TMEM245: variants seen among roughly 807,000 people sequenced by gnomAD.
The protein encoded by TMEM245 is protein CG-2.
A neutral mutation model predicts 101.2 loss-of-function variants in TMEM245; 69 were observed. That is an observed-to-expected ratio of 0.68 (90% CI 0.56 to 0.83). The LOEUF is 0.83. Among genes scored for constraint, TMEM245 ranks in the 40% least tolerant of loss-of-function variants. The probability of loss-of-function intolerance (pLI) is 0.00; values close to 1 mark genes in which losing one functional copy is unlikely to be tolerated. For synonymous variants in TMEM245, 537 were observed against 449.8 expected, an observed-to-expected ratio of 1.19 and a Z score of -2.45; for missense variants, 1,075 against 1,092.8, an observed-to-expected ratio of 0.98 and a Z score of 0.23.
intron 2 of TMEM245, 85 bp from the exon 3 acceptor site, chr9:109,106,694 A>G: frequency 1.0e-6 from 1 of 958,800 alleles, no homozygotes; most frequent in South Asian, 1.8e-5. Flanking sequence ...AGTTTGACAG[A>G]ACAATCTGGT....
intron 3 of TMEM245, among the ~76,000 whole-genome samples, chr9:109,098,932 C>G (rs1049231554): frequency 1.3e-5 from 2 of 152,198 alleles, no homozygotes; most frequent in Non-Finnish European, 2.9e-5. Context: ...TCTGTTAATA[C>G]AACAACTCAA....
At chr9:109,108,156 A>G (rs912676203) in intron 2 of TMEM245, among the ~76,000 whole-genome samples, 1 of 152,062 alleles carries the variant, frequency 6.6e-6, no homozygotes, top group South Asian at 2.1e-4. Flanking sequence ...CTGCTTATCT[A>G]TATCTTCCCC....
At chr9:109,078,933 C>T (rs1019546963) in intron 8 of TMEM245, among the ~76,000 whole-genome samples, 7 of 152,176 alleles carry the variant, frequency 4.6e-5, no homozygotes, top group Admixed American at 4.6e-4. Flanking sequence ...CTCTGCTCAT[C>T]TCCAATTGGA....
intron 15 of TMEM245, among the ~76,000 whole-genome samples, chr9:109,036,708 A>T (rs1266259521): frequency 6.6e-6 from 1 of 152,232 alleles, no homozygotes; most frequent in Non-Finnish European, 1.5e-5. Context: ...CCTACAGAAC[A>T]TGTGTCAAAA....
intron 9 of TMEM245, among the ~76,000 whole-genome samples, chr9:109,064,941 C>T (rs139685117): frequency 3.9e-5 from 6 of 152,274 alleles, no homozygotes; most frequent in East Asian, 1.9e-4. Context: ...AGGCACGTCA[C>T]CACGCCTGGC....
chr9:109,091,148 C>T lies in TMEM245; in HGVS notation c.924G>A (p.Val308=). Residue 308 remains valine, a synonymous_variant, in exon 5 of 18, where the codon GTG becomes GTA. Transcript: ENST00000374586. ...ACGTTGGAGCGGATTCTCCCCTGTC[C>T]ACTGCTTCTGAAAAGGAAAAGAAAA... is the stretch of plus-strand genomic sequence containing the variant. ...DQPSTQPAEA[V]DRGESAPTLS... is the part of the protein sequence containing the mutation. The T allele has an allele frequency of 6.2e-7, 1 of 1,613,200 alleles. No individual in the cohort carries two copies. The highest frequency in any genetic ancestry group is 8.5e-7 in the Non-Finnish European group (1 of 1,179,538).
In TMEM245 at chr9:109,057,244, C is replaced by T; in HGVS notation, c.1801G>A (p.Asp601Asn). ...ACAAAGGAAACAATATCCTGCCAGT[C>T]CAGAATGTCTCCCAGCCAGCTATTC... ...RQNSWLGDILDWQDIVSFVHE... is the reference protein window; with the variant it reads ...RQNSWLGDILNWQDIVSFVHE... The change falls in exon 12 of 18, where the codon GAC (aspartate) becomes AAC (asparagine). Residue 601 changes from aspartate to asparagine, a missense_variant. Asp to Asn is a conservative substitution (Grantham distance 23). Coordinates refer to ENST00000374586, the MANE Select transcript of TMEM245 (RefSeq NM_032012.4). 6.2e-7 allele frequency: 1 copy of T among 1,614,108 alleles called. No individual in the cohort carries two copies. The highest frequency in any genetic ancestry group is 8.5e-7 in the Non-Finnish European group (1 of 1,179,978).
chr9:109,095,176 G>A (rs1830106730), intron 3 of TMEM245, among the ~76,000 whole-genome samples: 1 of 152,136 alleles, frequency 6.6e-6, no homozygotes, highest in Admixed American at 6.5e-5. Context: ...TAGATTTCTG[G>A]ATTAGGACCT....
chr9:109,087,092 T>C (rs1829861552), intron 6 of TMEM245, 81 bp downstream of exon 6: 10 of 1,276,686 alleles, frequency 7.8e-6, no homozygotes, highest in Non-Finnish European at 1.1e-5. Flanking sequence ...AGTTACAATA[T>C]AAACACCATA....
rs10979693 is a variant in TMEM245, at chr9:109,114,543, A to C, written c.579+4792T>G. Reference sequence around the variant, plus strand: ...CACAAAGTTAGTTACTGGCAGAGCCAAGTTTAGAACTTCAGGTGTTTTTAT... The same window carrying C: ...CACAAAGTTAGTTACTGGCAGAGCCCAGTTTAGAACTTCAGGTGTTTTTAT... On this transcript the variant is annotated intron_variant, in intron 1 of 17. Transcript: ENST00000374586. 4.8e-3 allele frequency among the ~76,000 whole-genome samples: 732 copies of C among 152,344 alleles called. 40 individuals are homozygous for C. The East Asian group carries it at 0.12, about 25-fold the overall frequency.
At position 109,017,870 on chromosome 9, in the gene TMEM245, C is replaced by G. The variant is rs952876421; in HGVS notation, c.*2590G>C. 9.9e-5 allele frequency: 15 copies of G among 152,166 alleles called. No homozygotes were observed. The highest frequency in any genetic ancestry group is 3.6e-4 in the African/African-American group (15 of 41,418). The allele number at this position is 152,166 out of a possible 1,614,324, so 9.4% of individuals were successfully genotyped here. ...GCATCTGAGGAATCATGCTGGAATG[C>G]TTCTTTCTGGCTCGGAGGGTTCCAA... On this transcript the variant is annotated 3_prime_UTR_variant, in exon 18 of 18. Coordinates refer to ENST00000374586, the MANE Select transcript of TMEM245 (RefSeq NM_032012.4).
In TMEM245 at chr9:109,083,916, A is replaced by AAAAAAAAAAAAAAC. The variant is rs1554725100; in HGVS notation, c.1344+2067_1344+2080dup. 4.9e-4 allele frequency among the ~76,000 whole-genome samples: 65 copies of AAAAAAAAAAAAAAC among 132,576 alleles called. 6 individuals carry two copies. The highest frequency in any genetic ancestry group is 2.6e-3 in the Admixed American group (30 of 11,534). 87.0% of individuals were successfully genotyped at this position (132,576 alleles called of 152,430 possible). On this transcript the variant is annotated intron_variant, in intron 7 of 17. Coordinates refer to ENST00000374586, the MANE Select transcript of TMEM245 (RefSeq NM_032012.4). ...ACTAAAAATACAAAAAAAAAAAAAAAAAAAAAAAAAAAACACCAGGCATGG... is the reference window on the plus strand; with the variant it reads ...ACTAAAAATACAAAAAAAAAAAAAAAAAAAAAAAAAAAACAAAAAAAAAAAAACACCAGGCATGG...
At chr9:109,040,707 G>C (rs1828275544) in intron 14 of TMEM245, among the ~76,000 whole-genome samples, 1 of 152,162 alleles carries the variant, frequency 6.6e-6, no homozygotes, top group South Asian at 2.1e-4. Flanking sequence ...TGTAGCTTTT[G>C]GTGTTTCTTT....
Position 109,104,011 on chromosome 9 carries a change from G to C in TMEM245, c.799+2497C>G, listed in dbSNP as rs138401526. Among the ~76,000 whole-genome samples the C allele has an allele frequency of 8.9e-3, 1,359 of 152,184 alleles. 17 individuals are homozygous for C. The highest frequency in any genetic ancestry group is 0.031 in the African/African-American group (1,291 of 41,514). Reference sequence around the variant, plus strand: ...GGGGCAGAAGAATCACTTGAACCCAGGAGGTGGAGGCTGCAGTGAGCTGAG... The same window carrying C: ...GGGGCAGAAGAATCACTTGAACCCACGAGGTGGAGGCTGCAGTGAGCTGAG... On this transcript the variant is annotated intron_variant, in intron 3 of 17. Coordinates refer to ENST00000374586, the MANE Select transcript of TMEM245 (RefSeq NM_032012.4).
At chr9:109,042,434 T>A (rs947805867) in intron 14 of TMEM245, 3 of 152,364 alleles carry the variant, frequency 2.0e-5, no homozygotes, top group African/African-American at 7.3e-5. Flanking sequence ...AACAGAGCAA[T>A]CTGTAACTGG....
chr9:109,118,514 G>A (rs1830790586), intron 1 of TMEM245, among the ~76,000 whole-genome samples: 1 of 152,194 alleles, frequency 6.6e-6, no homozygotes, highest in Non-Finnish European at 1.5e-5. Context: ...TAGGAATTGT[G>A]TCACTAGATT....
intron 12 of TMEM245, among the ~76,000 whole-genome samples, chr9:109,053,414 G>A (rs2013981): frequency 0.2 from 31,151 of 152,010 alleles, 3,293 homozygotes; most frequent in South Asian, 0.34. Context: ...ATGACAAAGC[G>A]AGACTCTCTC....
At chr9:109,078,524 G>A (rs2132512212) in intron 8 of TMEM245, among the ~76,000 whole-genome samples, 1 of 152,268 alleles carries the variant, frequency 6.6e-6, no homozygotes. Flanking sequence ...GACTATAAAA[G>A]TATTGTTTGA....
At chr9:109,054,622 C>CA (rs565512716) in intron 12 of TMEM245, among the ~76,000 whole-genome samples, 2,093 of 150,516 alleles carry the variant, frequency 0.014, 15 homozygotes, top group Middle Eastern at 0.031. Flanking sequence ...ATCCAAAAAA[C>CA]AAAAAAAAAC....
Sources: allele counts gnomAD v4.1 joint callset (sites outside exome capture counted in the v4.1 genomes callset), GRCh38; gene constraint gnomAD v4.1.1; transcripts MANE v1.5; gene names NCBI Gene and HGNC (gene_info 2026-07-23, HGNC 2026-07-21).